DLGAP1: variants seen among roughly 807,000 people sequenced by gnomAD.
The protein encoded by DLGAP1 is disks large-associated protein 1.
Under a neutral mutation model 90.8 loss-of-function variants are expected in DLGAP1, and 11 were observed. The ratio of observed to expected loss-of-function variants is 0.12; its 90% CI spans 0.08 to 0.20. The LOEUF (loss-of-function observed/expected upper bound fraction) is 0.20, where lower values mean the gene tolerates loss of function less well. Among genes scored for constraint, DLGAP1 ranks in the 10% least tolerant of loss-of-function variants. The pLI, the probability that DLGAP1 is intolerant of heterozygous loss-of-function variation, is 1.00. For missense variants in DLGAP1, 1,050 were observed against 1,333.8 expected (o/e 0.79, Z 3.31); for synonymous variants, 558 against 540.7 (o/e 1.03, Z -0.44).
intron 8 of DLGAP1, among the ~76,000 whole-genome samples, chr18:3,575,671 C>T (rs550332735): frequency 6.6e-6 from 1 of 152,100 alleles, no homozygotes; most frequent in Non-Finnish European, 1.5e-5. Context: ...ACATGAATTA[C>T]TCACTTTGTA....
At chr18:3,920,401 C>T (rs1358180290) in intron 3 of DLGAP1, among the ~76,000 whole-genome samples, 1 of 146,248 alleles carries the variant, frequency 6.8e-6, no homozygotes, top group Admixed American at 6.9e-5. Flanking sequence ...GATCTGTTTT[C>T]GTGATGTGTT....
chr18:3,597,271 A>G (rs1479014167), intron 7 of DLGAP1: 1 of 494,884 alleles, frequency 2.0e-6, no homozygotes, highest in African/African-American at 2.0e-5. Flanking sequence ...AGACAGGAAT[A>G]AAAGGAAAAA....
rs142936975 is a variant in DLGAP1, at chr18:3,884,101, C to G, written c.-72-3961G>C. Among the ~76,000 whole-genome samples the G allele has an allele frequency of 4.7e-3, 719 of 152,212 alleles. 20 individuals are homozygous for G. Among genetic ancestry groups the G allele is most frequent in the Admixed American group, 0.036 (544 of 15,300 alleles). Reference sequence around the variant, plus strand: ...GTGACAGACTAATGAAACAGAAAACCTTGGGATTGCTTTGTATGAAGTTAT... The same window carrying G: ...GTGACAGACTAATGAAACAGAAAACGTTGGGATTGCTTTGTATGAAGTTAT... On this transcript the variant is annotated intron_variant, in intron 3 of 12. Transcript: ENST00000315677.
At chr18:4,081,002 C>T (rs2075599824) in intron 2 of DLGAP1, among the ~76,000 whole-genome samples, 1 of 151,678 alleles carries the variant, frequency 6.6e-6, no homozygotes, top group Non-Finnish European at 1.5e-5. Flanking sequence ...GATTCTCCTG[C>T]CTCAGCCTCC....
At chr18:3,602,664 T>G (rs1568284817) in intron 7 of DLGAP1, among the ~76,000 whole-genome samples, 1 of 147,822 alleles carries the variant, frequency 6.8e-6, no homozygotes, top group Non-Finnish European at 1.5e-5. Flanking sequence ...ACTGCAGATA[T>G]AAATAGATCG....
rs190412058 is a variant in DLGAP1 at position 4,051,612 on chromosome 18, C to T, written c.-158-46411G>A. Reference sequence around the variant, plus strand: ...TCAAGATGAGATTTGGGTGGAGACACAGTAAAACCATATCATTCTGCCGCT... The same window carrying T: ...TCAAGATGAGATTTGGGTGGAGACATAGTAAAACCATATCATTCTGCCGCT... On this transcript the variant is annotated intron_variant, in intron 2 of 12. Transcript: ENST00000315677. Among the ~76,000 whole-genome samples the T allele has an allele frequency of 5.9e-5, 9 of 152,300 alleles. No homozygotes were observed. In the East Asian group the frequency reaches 1.7e-3, roughly 29 times the overall value.
chr18:4,038,040 T>C (rs1265191923), intron 2 of DLGAP1, among the ~76,000 whole-genome samples: 2 of 152,196 alleles, frequency 1.3e-5, no homozygotes, highest in African/African-American at 4.8e-5. Context: ...CTTTTGATAG[T>C]CCTTCTATAA....
At chr18:3,696,968 T>C (rs1478738154) in intron 7 of DLGAP1, among the ~76,000 whole-genome samples, 1 of 152,222 alleles carries the variant, frequency 6.6e-6, no homozygotes, top group Non-Finnish European at 1.5e-5. Context: ...TTCTAGATTT[T>C]CTAGTTTATT....
chr18:3,602,429 G>A (rs1056431753), intron 7 of DLGAP1, among the ~76,000 whole-genome samples: 10 of 151,432 alleles, frequency 6.6e-5, no homozygotes, highest in Non-Finnish European at 1.5e-4. Context: ...CCCCGTCTCT[G>A]CTAAAAATAC....
At chr18:3,823,318 C>G (rs1219035506) in intron 4 of DLGAP1, among the ~76,000 whole-genome samples, 1 of 152,228 alleles carries the variant, frequency 6.6e-6, no homozygotes. Flanking sequence ...TACCTCCTCT[C>G]TCACTGAATA....
At chr18:3,783,286 A>G (rs2065285254) in intron 5 of DLGAP1, among the ~76,000 whole-genome samples, 1 of 152,232 alleles carries the variant, frequency 6.6e-6, no homozygotes, top group African/African-American at 2.4e-5. Flanking sequence ...TGAACCAGCA[A>G]TTCTGCTCCT....
chr18:4,307,624 C>T (rs532796126), intron 1 of DLGAP1, among the ~76,000 whole-genome samples: 3 of 152,036 alleles, frequency 2.0e-5, no homozygotes, highest in Non-Finnish European at 4.4e-5. Context: ...AAATAGAACA[C>T]GGCAGAGCCA....
chr18:3,641,588 C>G (rs112219338), intron 7 of DLGAP1, among the ~76,000 whole-genome samples: 1 of 135,438 alleles, frequency 7.4e-6, no homozygotes, highest in South Asian at 2.4e-4. Context: ...TATATATATA[C>G]ACACACACAC....
intron 3 of DLGAP1, among the ~76,000 whole-genome samples, chr18:3,880,359 AG>A (rs1422273746): frequency 6.6e-6 from 1 of 151,782 alleles, no homozygotes; most frequent in Non-Finnish European, 1.5e-5. Context: ...AATTTTTTGT[AG>A]AGAGGAGGTC....
At chr18:3,692,381 C>T (rs1431388111) in intron 7 of DLGAP1, among the ~76,000 whole-genome samples, 2 of 152,298 alleles carry the variant, frequency 1.3e-5, no homozygotes, top group South Asian at 2.1e-4. Flanking sequence ...ATAAAGTTCT[C>T]ATGGTCTCCA....
chr18:3,860,976 T>C (rs2070016020), intron 4 of DLGAP1, among the ~76,000 whole-genome samples: 1 of 152,248 alleles, frequency 6.6e-6, no homozygotes, highest in Non-Finnish European at 1.5e-5. Context: ...TAAACTTCCC[T>C]ATTCTTTGTT....
At chr18:3,980,749 T>C (rs1403056337) in intron 3 of DLGAP1, among the ~76,000 whole-genome samples, 2 of 152,222 alleles carry the variant, frequency 1.3e-5, no homozygotes, top group Non-Finnish European at 2.9e-5. Context: ...TTTTTTGAAT[T>C]GAAAAATAAA....
intron 1 of DLGAP1, among the ~76,000 whole-genome samples, chr18:4,224,761 C>T (rs2078150531): frequency 6.6e-6 from 1 of 152,128 alleles, no homozygotes; most frequent in Admixed American, 6.5e-5. Flanking sequence ...CCACCTGGGG[C>T]CAGGGGGACT....
chr18:3,862,945 T>C (rs1231118491), intron 4 of DLGAP1, among the ~76,000 whole-genome samples: 1 of 152,256 alleles, frequency 6.6e-6, no homozygotes, highest in Non-Finnish European at 1.5e-5. Flanking sequence ...TTTGGACACC[T>C]CTAATCACTG....
Sources: gnomAD v4.1 joint callset for allele counts (sites outside exome capture counted in the v4.1 genomes callset) on GRCh38, gnomAD v4.1.1 for gene constraint, MANE v1.5 for transcripts, NCBI Gene and HGNC (gene_info 2026-07-23, HGNC 2026-07-21) for gene names.